FILIP1: variants seen among roughly 807,000 people sequenced by gnomAD.
The protein encoded by FILIP1 is filamin-A-interacting protein 1.
Under a neutral mutation model 102.1 loss-of-function variants are expected in FILIP1, and 61 were observed. That is an observed-to-expected ratio of 0.60 (90% CI 0.49 to 0.74). The LOEUF (loss-of-function observed/expected upper bound fraction) is 0.74. Among genes scored for constraint, FILIP1 ranks in the 30% least tolerant of loss-of-function variants. FILIP1 has a pLI of 0.00. For missense variants in FILIP1, 1,314 were observed against 1,441.2 expected, an observed-to-expected ratio of 0.91 and a Z score of 1.43; for synonymous variants, 491 against 526.9, an observed-to-expected ratio of 0.93 and a Z score of 0.93.
At chr6:75,426,059 C>A (rs1777615285) in intron 1 of FILIP1, among the ~76,000 whole-genome samples, 1 of 152,098 alleles carries the variant, frequency 6.6e-6, no homozygotes, top group Non-Finnish European at 1.5e-5. Context: ...AGCACAAAAG[C>A]AGCAACAAAC....
At chr6:75,344,267 C>G (rs1469601889) in intron 4 of FILIP1, among the ~76,000 whole-genome samples, 1 of 152,168 alleles carries the variant, frequency 6.6e-6, no homozygotes, top group Non-Finnish European at 1.5e-5. Context: ...TGACCACCAT[C>G]AAACAGCACA....
intron 1 of FILIP1, among the ~76,000 whole-genome samples, chr6:75,456,756 C>T (rs1778845396): frequency 6.6e-6 from 1 of 152,026 alleles, no homozygotes; most frequent in Non-Finnish European, 1.5e-5. Context: ...GACGGGGTTT[C>T]ACCATGTTGG....
chr6:75,411,400 G>C (rs1382949323), intron 2 of FILIP1, among the ~76,000 whole-genome samples: 1 of 152,106 alleles, frequency 6.6e-6, no homozygotes, highest in Admixed American at 6.6e-5. Flanking sequence ...TTCTTTTGCT[G>C]TGCAGAAGCT....
In FILIP1 at chr6:75,467,552, T is replaced by C. The variant is rs141638166; in HGVS notation, c.-7+25862A>G. On this transcript the variant is annotated intron_variant, in intron 1 of 5. Transcript: ENST00000237172. ...ATGGCAGTCCTGCAAACTGGTCTGC[T>C]AAACTCATTTTCAAAACATCCTCCC... is the stretch of plus-strand genomic sequence containing the variant. 6.7e-3 allele frequency among the ~76,000 whole-genome samples: 1,028 copies of C among 152,326 alleles called. 7 individuals are homozygous for C. Among genetic ancestry groups the C allele is most frequent in the Middle Eastern group, 0.017 (5 of 294 alleles).
downstream of FILIP1, among the ~76,000 whole-genome samples, chr6:75,306,364 C>T (rs1393368225): frequency 6.6e-6 from 1 of 152,108 alleles, no homozygotes. Context: ...AAGGTAAAAG[C>T]AAAAGCAGCA....
intron 1 of FILIP1, among the ~76,000 whole-genome samples, chr6:75,426,027 A>G (rs1376081502): frequency 6.6e-6 from 1 of 152,172 alleles, no homozygotes; most frequent in Non-Finnish European, 1.5e-5. Context: ...TCTCTGTTGC[A>G]TCTACTCAAC....
intron 6 of FILIP1, chr6:75,296,406 A>C (rs186580836): frequency 2.0e-5 from 3 of 149,702 alleles, no homozygotes; most frequent in African/African-American, 7.4e-5. Context: ...ATAAGGAGAT[A>C]TTATTTCTAA....
At chr6:75,483,577 T>C (rs1271796348) in intron 1 of FILIP1, among the ~76,000 whole-genome samples, 2 of 151,890 alleles carry the variant, frequency 1.3e-5, no homozygotes, top group African/African-American at 2.4e-5. Flanking sequence ...TGAGGGGAAA[T>C]AGAGCATCAT....
At position 75,313,809 on chromosome 6, in the gene FILIP1, T is replaced by G. The variant is rs1321464664; in HGVS notation, c.2023A>C (p.Asn675His). The G allele has an allele frequency of 6.2e-7, 1 of 1,611,218 alleles. No individual in the cohort carries two copies. Among genetic ancestry groups the G allele is most frequent in the Non-Finnish European group, 8.5e-7 (1 of 1,179,194 alleles). Residue 675 changes from asparagine (N) to histidine (H), a missense_variant, in exon 5 of 6, where the codon AAC becomes CAC. Around this residue, in one of 3 missense-constraint regions of FILIP1, gnomAD observed 816 missense variants for 913.1 expected, o/e 0.89. Transcript: ENST00000237172. This position sits in a 1 kb window ranked among gnomAD's most constrained non-coding sequence, Gnocchi z 4.2. The part of the protein sequence containing the change: ...QKFRTEQDKA[N>H]FLSQQLEEIK... ...TCCTCTAGTTGTTGAGAGAGGAAGT[T>G]AGCCTTATCCTGCTCAGTTCTAAAT...
At chr6:75,333,111 A>G (rs1347140191) in intron 4 of FILIP1, among the ~76,000 whole-genome samples, 1 of 152,200 alleles carries the variant, frequency 6.6e-6, no homozygotes, top group Non-Finnish European at 1.5e-5. Context: ...AAGTATATAC[A>G]TCACTTATTG....
At chr6:75,441,106 T>C (rs1257015499) in intron 1 of FILIP1, among the ~76,000 whole-genome samples, 3 of 151,694 alleles carry the variant, frequency 2.0e-5, no homozygotes, top group South Asian at 4.2e-4. Flanking sequence ...GGTCTCTGGT[T>C]TTCCTAGGCA....
intron 1 of FILIP1, among the ~76,000 whole-genome samples, chr6:75,426,577 A>T (rs2149702544): frequency 6.6e-6 from 1 of 152,258 alleles, no homozygotes; most frequent in Non-Finnish European, 1.5e-5. Flanking sequence ...CTAACAGGAG[A>T]GTCACCAAGG....
Position 75,314,338 on chromosome 6 carries a change from A to G in FILIP1, c.1494T>C (p.Leu498=), listed in dbSNP as rs1448476192. The G allele has an allele frequency of 6.6e-7, 1 of 1,519,658 alleles. No homozygotes were observed. The highest frequency in any genetic ancestry group is 8.7e-7 in the Non-Finnish European group (1 of 1,143,600). The allele number at this position is 1,519,658 out of a possible 1,614,324, so 94.1% of individuals were successfully genotyped here. The change falls in exon 5 of 6, where the codon CTT becomes CTC. Residue 498 remains leucine, a synonymous_variant. Coordinates refer to ENST00000237172, the MANE Select transcript of FILIP1 (RefSeq NM_015687.5). The part of the protein sequence containing the change: ...EKAELSLKDD[L]TKLKSFTVML... ...TCACGGTAAATGACTTCAACTTGGT[A>G]AGATCATCTTTTAGGCTTAATTCAG...
intron 1 of FILIP1, among the ~76,000 whole-genome samples, chr6:75,436,718 T>C (rs1778035484): frequency 6.6e-6 from 1 of 152,166 alleles, no homozygotes; most frequent in Non-Finnish European, 1.5e-5. Context: ...GTGCTGACAA[T>C]AAGCCAGAAG....
At chr6:75,356,489 A>G (rs1386392790) in intron 3 of FILIP1, among the ~76,000 whole-genome samples, 1 of 144,662 alleles carries the variant, frequency 6.9e-6, no homozygotes, top group Non-Finnish European at 1.5e-5. Flanking sequence ...TTTTTTTGAG[A>G]TGAAGTTTTG....
At chr6:75,489,345 G>A (rs544668710) in intron 1 of FILIP1, among the ~76,000 whole-genome samples, 1 of 152,154 alleles carries the variant, frequency 6.6e-6, no homozygotes, top group South Asian at 2.1e-4. Context: ...GTACCCAGCA[G>A]CAAAGTATGT....
intron 1 of FILIP1, among the ~76,000 whole-genome samples, chr6:75,444,061 TA>T (rs1487591166): frequency 6.6e-6 from 1 of 152,134 alleles, no homozygotes; most frequent in Non-Finnish European, 1.5e-5. Context: ...TAAAGGCAAA[TA>T]ATGGTAAACA....
intron 1 of FILIP1, among the ~76,000 whole-genome samples, chr6:75,484,288 ATACTCAATTC>A (rs775992538): frequency 2.6e-5 from 4 of 152,158 alleles, no homozygotes; most frequent in Admixed American, 6.5e-5. Context: ...TCACAGTTCC[ATACTCAATTC>A]TACCTGCGGA....
chr6:75,373,718 A>G (rs1162516951), intron 2 of FILIP1, among the ~76,000 whole-genome samples: 2 of 150,682 alleles, frequency 1.3e-5, no homozygotes, highest in African/African-American at 5.0e-5. Flanking sequence ...TGAAAAAACT[A>G]AAATTTCAAC....
Sources: gnomAD v4.1 joint callset for allele counts (sites outside exome capture counted in the v4.1 genomes callset) on GRCh38, gnomAD v4.1.1 for gene constraint, gnomAD v4.1.1 regional missense constraint, Gnocchi (gnomAD v3.1) non-coding constraint, MANE v1.5 for transcripts, NCBI Gene and HGNC (gene_info 2026-07-23, HGNC 2026-07-21) for gene names.